NRG3: variants seen among roughly 807,000 people sequenced by gnomAD.
The protein encoded by NRG3 is neuregulin 3.
Under a neutral mutation model 66.9 loss-of-function variants are expected in NRG3, and 31 were observed. That is an observed-to-expected ratio of 0.46 (90% CI 0.35 to 0.63). The LOEUF (loss-of-function observed/expected upper bound fraction) is 0.63, where lower values mean the gene tolerates loss of function less well. NRG3 is among the 20% of genes least tolerant of loss of function. The probability of loss-of-function intolerance (pLI) is 0.00; values close to 1 mark genes in which losing one functional copy is unlikely to be tolerated. For missense variants in NRG3, 910 were observed against 878.9 expected (o/e 1.04, Z -0.45); for synonymous variants, 393 against 359.4 (o/e 1.09, Z -1.06).
rs552522749 is a variant in NRG3, at chr10:82,987,130, T to A, written c.*1525T>A. 4.6e-5 allele frequency: 7 copies of A among 152,304 alleles called. No homozygotes were observed. In the South Asian group the frequency reaches 1.2e-3, roughly 27 times the overall value. The allele number at this position is 152,304 out of a possible 1,614,324, so 9.4% of individuals were successfully genotyped here. A position where few individuals can be genotyped will look rare whatever the true frequency, so the allele number is the denominator to read the frequency against. Reference sequence around the variant, plus strand: ...TTTTCCAATTATTGGTGGTGTTGAGTTGTTATGTTTACACTGTTTTAAATA... The same window carrying A: ...TTTTCCAATTATTGGTGGTGTTGAGATGTTATGTTTACACTGTTTTAAATA... On this transcript the variant is annotated 3_prime_UTR_variant, in exon 9 of 9. Coordinates refer to ENST00000372141, the MANE Select transcript of NRG3 (RefSeq NM_001010848.4).
At chr10:82,501,455 G>T (rs558713471) in intron 2 of NRG3, among the ~76,000 whole-genome samples, 1 of 152,076 alleles carries the variant, frequency 6.6e-6, no homozygotes, top group Non-Finnish European at 1.5e-5. Flanking sequence ...TCAAGGTTCC[G>T]CAGGCCCTCC....
intron 2 of NRG3, among the ~76,000 whole-genome samples, chr10:82,540,338 T>C (rs577067322): frequency 6.6e-6 from 1 of 152,198 alleles, no homozygotes; most frequent in East Asian, 1.9e-4. Flanking sequence ...TCCCTTCTTC[T>C]GTTTTCTCTT....
intron 2 of NRG3, among the ~76,000 whole-genome samples, chr10:82,457,217 C>A (rs567380220): frequency 3.7e-4 from 56 of 152,162 alleles, no homozygotes; most frequent in Non-Finnish European, 4.3e-4. Context: ...GATGCCCAAC[C>A]TTTTTGGCAC....
chr10:82,296,878 T>A (rs2080094730), intron 1 of NRG3, among the ~76,000 whole-genome samples: 1 of 152,150 alleles, frequency 6.6e-6, no homozygotes, highest in Non-Finnish European at 1.5e-5. Flanking sequence ...ACCCATCTTC[T>A]AAACAGTGAA....
At chr10:82,567,823 C>T (rs1167593086) in intron 2 of NRG3, among the ~76,000 whole-genome samples, 1 of 151,778 alleles carries the variant, frequency 6.6e-6, no homozygotes, top group Non-Finnish European at 1.5e-5. Flanking sequence ...AATGAAGGCC[C>T]TCATATTTCA....
At chr10:81,904,904 C>G (rs550486352) in intron 1 of NRG3, among the ~76,000 whole-genome samples, 2 of 152,198 alleles carry the variant, frequency 1.3e-5, no homozygotes, top group African/African-American at 4.8e-5. Context: ...AAAAGAGATG[C>G]AGTGAGTTGA....
chr10:82,735,678 T>C (rs2058119577), intron 2 of NRG3, among the ~76,000 whole-genome samples: 1 of 151,828 alleles, frequency 6.6e-6, no homozygotes, highest in Non-Finnish European at 1.5e-5. Flanking sequence ...AACACCACAT[T>C]ATCACTCATA....
At chr10:82,237,961 T>C (rs896652870) in intron 1 of NRG3, among the ~76,000 whole-genome samples, 1 of 152,178 alleles carries the variant, frequency 6.6e-6, no homozygotes, top group Non-Finnish European at 1.5e-5. Context: ...AAAGTATTGG[T>C]TTCAGGTTAC....
intron 2 of NRG3, among the ~76,000 whole-genome samples, chr10:82,586,124 A>G (rs1184783801): frequency 6.6e-6 from 1 of 152,144 alleles, no homozygotes; most frequent in Non-Finnish European, 1.5e-5. Context: ...GTTGGGTACC[A>G]TGCTCACTAT....
chr10:81,918,856 T>C (rs1019744592), intron 1 of NRG3, among the ~76,000 whole-genome samples: 1 of 149,282 alleles, frequency 6.7e-6, no homozygotes, highest in African/African-American at 2.5e-5. Context: ...CCATAAGCAT[T>C]GAATAGAATC....
At chr10:82,248,151 C>G (rs893206811) in intron 1 of NRG3, among the ~76,000 whole-genome samples, 1 of 152,188 alleles carries the variant, frequency 6.6e-6, no homozygotes, top group Non-Finnish European at 1.5e-5. Context: ...ACCTAACAGG[C>G]AGCAGGGAAT....
At chr10:82,677,278 C>T (rs2053774038) in intron 2 of NRG3, among the ~76,000 whole-genome samples, 1 of 151,984 alleles carries the variant, frequency 6.6e-6, no homozygotes, top group Admixed American at 6.5e-5. Context: ...GTCTCAACTC[C>T]TGGGATCCAG....
intron 2 of NRG3, among the ~76,000 whole-genome samples, chr10:82,361,269 T>A (rs12249833): frequency 0.11 from 17,125 of 152,218 alleles, 1,675 homozygotes; most frequent in African/African-American, 0.25. Flanking sequence ...CATATTTCAG[T>A]ACAGACAGCC....
chr10:82,211,704 C>T (rs1449458266), intron 1 of NRG3, among the ~76,000 whole-genome samples: 2 of 152,114 alleles, frequency 1.3e-5, no homozygotes, highest in African/African-American at 4.8e-5. Context: ...TTATAGTTAA[C>T]AAAATCTAGA....
At chr10:82,757,824 T>G (rs1365963266) in intron 3 of NRG3, among the ~76,000 whole-genome samples, 5 of 152,000 alleles carry the variant, frequency 3.3e-5, no homozygotes, top group Admixed American at 3.3e-4. Flanking sequence ...CTAATGGAAT[T>G]TTTTTTTAAA....
At chr10:82,461,088 C>G (rs1235642650) in intron 2 of NRG3, among the ~76,000 whole-genome samples, 1 of 152,010 alleles carries the variant, frequency 6.6e-6, no homozygotes, top group Non-Finnish European at 1.5e-5. Context: ...AACAATACTA[C>G]TGCTGCCACC....
intron 2 of NRG3, among the ~76,000 whole-genome samples, chr10:82,582,708 CAT>C (rs1241498501): frequency 6.9e-6 from 1 of 145,848 alleles, no homozygotes; most frequent in Non-Finnish European, 1.5e-5. Flanking sequence ...GTTTTATACA[CAT>C]ATACACATGA....
chr10:82,324,061 C>T (rs948391788), intron 1 of NRG3, among the ~76,000 whole-genome samples: 1 of 152,038 alleles, frequency 6.6e-6, no homozygotes, highest in Non-Finnish European at 1.5e-5. Context: ...GACGGGGTTT[C>T]ACCATGTTGG....
chr10:82,072,581 G>A (rs1051818830), intron 1 of NRG3, among the ~76,000 whole-genome samples: 5 of 151,974 alleles, frequency 3.3e-5, no homozygotes, highest in South Asian at 2.1e-4. Flanking sequence ...CTTATAGAAC[G>A]TGCTGCAGAT....
Sources: gnomAD v4.1 joint callset for allele counts (sites outside exome capture counted in the v4.1 genomes callset) on GRCh38, gnomAD v4.1.1 for gene constraint, MANE v1.5 for transcripts, NCBI Gene and HGNC (gene_info 2026-07-23, HGNC 2026-07-21) for gene names.